CCN5: variants seen among roughly 807,000 people sequenced by gnomAD.
The protein encoded by CCN5 is cellular communication network factor 5.
A neutral mutation model predicts 18.7 loss-of-function variants in CCN5; 17 were observed. That is an observed-to-expected ratio of 0.91 (90% CI 0.62 to 1.36). The LOEUF (loss-of-function observed/expected upper bound fraction) is 1.36. Among genes scored for constraint, CCN5 ranks in the 40% most tolerant of loss-of-function variants. The pLI, the probability that CCN5 is intolerant of heterozygous loss-of-function variation, is 0.00. For missense variants in CCN5, 367 were observed against 342.9 expected (o/e 1.07, Z -0.56); for synonymous variants, 135 against 145.2 (o/e 0.93, Z 0.50).
intron 2 of CCN5, among the ~76,000 whole-genome samples, chr20:44,723,440 G>A (rs1264479971): frequency 6.6e-6 from 1 of 151,946 alleles, no homozygotes; most frequent in Non-Finnish European, 1.5e-5. Flanking sequence ...GCTCAGAGAG[G>A]CAAAATAACT....
At position 44,725,018 on chromosome 20, in the gene CCN5, G is replaced by A. The variant is rs764506733; in HGVS notation, c.532+26G>A. 3.3e-6 allele frequency: 5 copies of A among 1,509,942 alleles called. No individual in the cohort carries two copies. In the South Asian group the frequency reaches 4.1e-5, roughly 12 times the overall value. The allele number at this position is 1,509,942 out of a possible 1,614,324, so 93.5% of individuals were successfully genotyped here. ...GTGAGCGCAGCGGTGGTCCAGGTCA[G>A]GGCAGGACTGCCTGGGGGCGCCAAG... On this transcript the variant is annotated intron_variant, in intron 3 of 3. Transcript: ENST00000190983.
intron 1 of CCN5, among the ~76,000 whole-genome samples, chr20:44,719,609 C>T (rs140640698): frequency 0.017 from 2,622 of 152,204 alleles, 71 homozygotes; most frequent in African/African-American, 0.059. Flanking sequence ...AGGCTGGGAT[C>T]GCGCCACTGC....
intron 1 of CCN5, among the ~76,000 whole-genome samples, chr20:44,718,947 C>T (rs955148581): frequency 1.3e-5 from 2 of 152,180 alleles, no homozygotes; most frequent in Non-Finnish European, 2.9e-5. Flanking sequence ...TCTGTATTTT[C>T]CCAAGTCTCC....
In CCN5 at chr20:44,727,440, T is replaced by C; in HGVS notation, c.*133T>C. 1 of 1,442,488 alleles carries C rather than the reference T, an allele frequency of 6.9e-7. No individual in the cohort carries two copies. The highest frequency in any genetic ancestry group is 9.1e-7 in the Non-Finnish European group (1 of 1,093,054). The allele number at this position is 1,442,488 out of a possible 1,614,324, so 89.4% of individuals were successfully genotyped here. On this transcript the variant is annotated 3_prime_UTR_variant, in exon 4 of 4. Transcript: ENST00000190983. ...GCAACACTTTAGCTTGGGTCCACCA[T>C]GCAGAACACCAATATTAACACGCTG...
At chr20:44,718,748 A>C in intron 1 of CCN5, among the ~76,000 whole-genome samples, 1 of 152,152 alleles carries the variant, frequency 6.6e-6, no homozygotes, top group South Asian at 2.1e-4. Context: ...GACGTGTGCT[A>C]AGTTCCTGTC....
intron 3 of CCN5, among the ~76,000 whole-genome samples, chr20:44,725,930 A>G (rs1397466951): frequency 6.6e-6 from 1 of 152,114 alleles, no homozygotes; most frequent in African/African-American, 2.4e-5. Context: ...TGAAAAGAGG[A>G]GGATTGATTT....
intron 1 of CCN5, among the ~76,000 whole-genome samples, chr20:44,719,677 A>G (rs931143884): frequency 1.3e-5 from 2 of 152,188 alleles, no homozygotes; most frequent in Non-Finnish European, 2.9e-5. Flanking sequence ...TAAAAAATAA[A>G]GAACTGGAAC....
chr20:44,718,004 T>C (rs2065872174), intron 1 of CCN5, among the ~76,000 whole-genome samples: 1 of 152,194 alleles, frequency 6.6e-6, no homozygotes, highest in Non-Finnish European at 1.5e-5. Context: ...AGCTCCTAGA[T>C]GACGCTGCTG....
chr20:44,715,272 C>A, upstream of CCN5: 1 of 722,184 alleles, frequency 1.4e-6, no homozygotes. Context: ...AGCGCGCGCG[C>A]GCGCGCGCGT....
rs34197681 is a variant in CCN5 at position 44,727,077 on chromosome 20, TC to T, written c.533-4del. The T allele has an allele frequency of 1.9e-6, 3 of 1,564,008 alleles. No individual in the cohort carries two copies. In the South Asian group the frequency reaches 3.6e-5, roughly 19 times the overall value. On this transcript the variant is annotated splice_polypyrimidine_tract_variant and intron_variant, in intron 3 of 3. Transcript: ENST00000190983. The stretch of plus-strand genomic sequence containing the variant: ...CTGCTCAGTGCTAACTCTTGTTCTT[TC>T]CCCCCTAGGACCCCAGTTTTCTGGC...
In CCN5 at chr20:44,727,488, G is replaced by A; in HGVS notation, c.*181G>A. 1 of 1,421,396 alleles carries A rather than the reference G, an allele frequency of 7.0e-7. No individual in the cohort carries two copies. Among genetic ancestry groups the A allele is most frequent in the South Asian group, 1.6e-5 (1 of 62,990 alleles). The allele number at this position is 1,421,396 out of a possible 1,614,324, so 88.0% of individuals were successfully genotyped here. On this transcript the variant is annotated 3_prime_UTR_variant, in exon 4 of 4. Transcript: ENST00000190983. ...CTGCCTGGTCTGTCTGGATCCCGAG[G>A]TATGGCAGAGGTGCAAGACCTAGTC...
At chr20:44,722,251 T>C (rs1036239828) in intron 2 of CCN5, among the ~76,000 whole-genome samples, 1 of 152,078 alleles carries the variant, frequency 6.6e-6, no homozygotes, top group African/African-American at 2.4e-5. Context: ...ACCTCTCCCA[T>C]CACTTACTCG....
At chr20:44,717,677 C>A (rs565360807) in intron 1 of CCN5, among the ~76,000 whole-genome samples, 2 of 152,018 alleles carry the variant, frequency 1.3e-5, no homozygotes, top group East Asian at 1.9e-4. Flanking sequence ...GAGTTTGAGA[C>A]CAGCCTGGCC....
At chr20:44,718,821 A>C (rs1180518271) in intron 1 of CCN5, among the ~76,000 whole-genome samples, 2 of 152,174 alleles carry the variant, frequency 1.3e-5, no homozygotes, top group Admixed American at 1.3e-4. Flanking sequence ...ACTGGGGCAG[A>C]GGTGCTGAAA....
chr20:44,724,956 G>A lies in CCN5; in HGVS notation c.496G>A (p.Gly166Arg). ...CTGCCCTGAGTGGGTGTGCGGCCAA[G>A]GAGGGGGACTGGGGACCCAGCCCCT... ...KCCPEWVCGQ[G>R]GGLGTQPLPA... The change falls in exon 3 of 4, where the codon GGA becomes AGA. Residue 166 changes from glycine to arginine, a missense_variant. Physicochemically the swap from Gly to Arg is moderately radical, Grantham distance 125. Coordinates refer to ENST00000190983, the MANE Select transcript of CCN5 (RefSeq NM_003881.4). 1 of 1,596,326 alleles carries A rather than the reference G, an allele frequency of 6.3e-7. No homozygotes were observed. The highest frequency in any genetic ancestry group is 8.5e-7 in the Non-Finnish European group (1 of 1,172,546).
At chr20:44,722,463 C>T (rs1398796996) in intron 2 of CCN5, among the ~76,000 whole-genome samples, 1 of 57,804 alleles carries the variant, frequency 1.7e-5, no homozygotes, top group Admixed American at 1.4e-4. Context: ...CTATCTCTCT[C>T]TCTTTTTTTT....
At chr20:44,722,465 C>CTTTTT (rs11341536) in intron 2 of CCN5, among the ~76,000 whole-genome samples, 3 of 106,740 alleles carry the variant, frequency 2.8e-5, no homozygotes, top group African/African-American at 7.0e-5. Flanking sequence ...ATCTCTCTCT[C>CTTTTT]TTTTTTTTTT....
At chr20:44,727,048 C>G (rs2145423097) in intron 3 of CCN5, 39 bp from the exon 4 acceptor site, 1 of 1,498,124 alleles carries the variant, frequency 6.7e-7, no homozygotes, top group East Asian at 2.4e-5. Context: ...CTGCTGAGCC[C>G]TGGCTGCTCA....
rs781586683 is a variant in CCN5, at chr20:44,724,896, C to T, written c.436C>T (p.Pro146Ser). The change falls in exon 3 of 4, where the codon CCC becomes TCC. Residue 146 changes from proline (P) to serine (S), a missense_variant. Coordinates refer to ENST00000190983, the MANE Select transcript of CCN5 (RefSeq NM_003881.4). ...EDVRLPSWDC[P>S]HPRRVEVLGK... ...TGTGCGGCTGCCCAGCTGGGACTGC[C>T]CCCACCCCAGGAGGGTCGAGGTCCT... 11 of 1,593,752 alleles carry T rather than the reference C, an allele frequency of 6.9e-6. No individual in the cohort carries two copies. Among genetic ancestry groups the T allele is most frequent in the Non-Finnish European group, 9.4e-6 (11 of 1,171,450 alleles).
Sources: gnomAD v4.1 joint callset for allele counts (sites outside exome capture counted in the v4.1 genomes callset) on GRCh38, gnomAD v4.1.1 for gene constraint, MANE v1.5 for transcripts, NCBI Gene and HGNC (gene_info 2026-07-23, HGNC 2026-07-21) for gene names.